Variants in HSD17B4 observed in about 807,000 individuals in gnomAD.
HSD17B4 encodes hydroxysteroid 17-beta dehydrogenase 4.
In HSD17B4, 70 loss-of-function variants were observed where a neutral mutation model predicts 101.0. The observed-to-expected ratio is 0.69, with a 90% confidence interval of 0.57 to 0.85. The LOEUF is 0.85. Ranked by LOEUF, HSD17B4 falls within the 40% of genes least tolerant of loss-of-function variation. The probability of loss-of-function intolerance (pLI) is 0.00; values close to 1 mark genes in which losing one functional copy is unlikely to be tolerated. For synonymous variants in HSD17B4, 347 were observed against 297.1 expected, an observed-to-expected ratio of 1.17 and a Z score of -1.73; for missense variants, 984 against 892.4, an observed-to-expected ratio of 1.10 and a Z score of -1.31.
chr5:119,516,525 C>T (rs539963261), intron 17 of HSD17B4, among the ~76,000 whole-genome samples: 10 of 151,942 alleles, frequency 6.6e-5, no homozygotes, highest in Non-Finnish European at 1.2e-4. Context: ...TGACAAAAGA[C>T]GGTTTTTAAA....
rs2126702555 is a variant in HSD17B4 at position 119,478,857 on chromosome 5, C to T, written c.458C>T (p.Ser153Leu). The change falls in exon 8 of 24, where the codon TCA (serine) becomes TTA (leucine). Residue 153 changes from serine to leucine, a missense_variant. Physicochemically the swap from Ser to Leu is moderately radical, Grantham distance 145 (BLOSUM62 -2). Coordinates refer to ENST00000510025, the MANE Select transcript of HSD17B4 (RefSeq NM_000414.4). Reference protein sequence around the residue: ...YGRIIMTSSASGIYGNFGQAN... With the variant: ...YGRIIMTSSALGIYGNFGQAN... Reference sequence around the variant, plus strand: ...AGGATTATTATGACTTCATCAGCTTCAGGAATATATGGCAACTTTGGCCAG... The same window carrying T: ...AGGATTATTATGACTTCATCAGCTTTAGGAATATATGGCAACTTTGGCCAG... The T allele has an allele frequency of 6.2e-7, 1 of 1,613,446 alleles. No homozygotes were observed. The highest frequency in any genetic ancestry group is 1.3e-5 in the African/African-American group (1 of 74,990).
chr5:119,467,715 G>T (rs560236354), intron 2 of HSD17B4, among the ~76,000 whole-genome samples: 2 of 152,182 alleles, frequency 1.3e-5, no homozygotes, highest in African/African-American at 4.8e-5. Context: ...TATGAAATTT[G>T]CATATATGGA....
intron 2 of HSD17B4, chr5:119,464,598 T>G (rs34691264): frequency 0.034 from 5,106 of 152,222 alleles, 113 homozygotes; most frequent in Middle Eastern, 0.054. Context: ...ATAGCTTTTT[T>G]TTTTCTTCTT....
intron 20 of HSD17B4, among the ~76,000 whole-genome samples, chr5:119,527,654 C>T (rs1753723949): frequency 6.6e-6 from 1 of 151,886 alleles, no homozygotes; most frequent in Non-Finnish European, 1.5e-5. Context: ...TATGATAAAA[C>T]ATGTTCGAAA....
At chr5:119,507,827 A>T (rs1310543437) in intron 15 of HSD17B4, among the ~76,000 whole-genome samples, 6 of 152,016 alleles carry the variant, frequency 3.9e-5, no homozygotes, top group Non-Finnish European at 8.8e-5. Context: ...TAAATTTTAA[A>T]AATTAAATTT....
Position 119,526,023 on chromosome 5 carries a change from G to C in HSD17B4, c.1680G>C (p.Lys560Asn). 1.3e-6 allele frequency: 2 copies of C among 1,491,632 alleles called. No homozygotes were observed. Among genetic ancestry groups the C allele is most frequent in the Non-Finnish European group, 1.9e-6 (2 of 1,068,358 alleles). 92.4% of individuals were successfully genotyped at this position (1,491,632 alleles called of 1,614,324 possible). The change falls in exon 19 of 24, where the codon AAG becomes AAC. Residue 560 changes from lysine (K) to asparagine (N), a missense_variant and splice_region_variant. Physicochemically the swap from Lys to Asn is moderately conservative, Grantham distance 94. Transcript: ENST00000510025. ...DNDVSRFKAI[K>N]ARFAKPVYPG... ...ATGTGTCAAGATTCAAGGCAATTAA[G>C]GTAAATGTGTATTACTACGTAATTT...
chr5:119,480,912 A>C lies in HSD17B4; in HGVS notation c.622+1891A>C, dbSNP rs187543380. Among the ~76,000 whole-genome samples the C allele has an allele frequency of 4.3e-4, 66 of 152,304 alleles. 1 individual carries two copies. Among genetic ancestry groups the C allele is most frequent in the African/African-American group, 1.5e-3 (64 of 41,582 alleles). ...CTCCCATTTGCTTTTGAAAGAAGAG[A>C]AATAATGGCTCTGTTCTGCTCGGCT... On this transcript the variant is annotated intron_variant, in intron 8 of 23. Coordinates refer to ENST00000510025, the MANE Select transcript of HSD17B4 (RefSeq NM_000414.4).
chr5:119,516,423 C>CAGTAAGT (rs1197975309), intron 17 of HSD17B4, among the ~76,000 whole-genome samples: 1 of 151,998 alleles, frequency 6.6e-6, no homozygotes, highest in East Asian at 1.9e-4. Context: ...TTTCTACGCA[C>CAGTAAGT]AGTAAGTAGT....
In HSD17B4 at chr5:119,531,533, G is replaced by A. The variant is rs538583545; in HGVS notation, c.1993+129G>A. 3.5e-4 allele frequency: 301 copies of A among 859,388 alleles called. 4 individuals are homozygous for A. The South Asian group carries it at 4.0e-3, about 11-fold the overall frequency. 53.2% of individuals were successfully genotyped at this position (859,388 alleles called of 1,614,324 possible). A position where few individuals can be genotyped will look rare whatever the true frequency, so the allele number is the denominator to read the frequency against. On this transcript the variant is annotated intron_variant, in intron 22 of 23. Coordinates refer to ENST00000510025, the MANE Select transcript of HSD17B4 (RefSeq NM_000414.4). ...TTAGGTAAGTTTTTTTTCTTTTCCC[G>A]TGGGAATGAATAGGTTTGGGAATGT...
intron 22 of HSD17B4, among the ~76,000 whole-genome samples, chr5:119,533,074 A>G (rs1754251570): frequency 6.6e-6 from 1 of 152,102 alleles, no homozygotes; most frequent in African/African-American, 2.4e-5. Context: ...CAAATTCCAA[A>G]ACACATCAGC....
At chr5:119,463,796 G>A (rs920368442) in intron 2 of HSD17B4, among the ~76,000 whole-genome samples, 1 of 148,126 alleles carries the variant, frequency 6.8e-6, no homozygotes, top group Admixed American at 6.9e-5. Context: ...AGCCTCCTTA[G>A]TAACTGGGAC....
At chr5:119,518,902 G>A (rs572456877) in intron 17 of HSD17B4, among the ~76,000 whole-genome samples, 1 of 152,234 alleles carries the variant, frequency 6.6e-6, no homozygotes, top group East Asian at 1.9e-4. Flanking sequence ...GGGAGGCTGA[G>A]GCAGGAGAGT....
chr5:119,475,390 G>A (rs1361405331), intron 4 of HSD17B4, among the ~76,000 whole-genome samples: 3 of 152,028 alleles, frequency 2.0e-5, no homozygotes, highest in South Asian at 2.1e-4. Context: ...ATGGCTTATG[G>A]TTCTGATTCC....
intron 22 of HSD17B4, among the ~76,000 whole-genome samples, chr5:119,535,307 C>G (rs934235538): frequency 1.3e-5 from 2 of 151,588 alleles, no homozygotes; most frequent in African/African-American, 4.8e-5. Flanking sequence ...CCAATAATGT[C>G]CTTTATAGCA....
chr5:119,502,129 T>G, intron 14 of HSD17B4, 37 bp downstream of exon 14: 1 of 1,311,422 alleles, frequency 7.6e-7, no homozygotes, highest in Non-Finnish European at 1.1e-6. Flanking sequence ...AATACCATAC[T>G]TTTATTTCCA....
At chr5:119,537,859 A>T (rs533935610) in intron 23 of HSD17B4, among the ~76,000 whole-genome samples, 6 of 152,252 alleles carry the variant, frequency 3.9e-5, no homozygotes, top group African/African-American at 1.4e-4. Context: ...CCAACCCTTG[A>T]GTTAGAATGT....
At chr5:119,489,108 C>T (rs942231968) in intron 8 of HSD17B4, 84 bp from the exon 9 acceptor site, 1 of 927,666 alleles carries the variant, frequency 1.1e-6, no homozygotes, top group Non-Finnish European at 1.8e-6. Flanking sequence ...TTTTAAAGGT[C>T]TCTGAATTAC....
intron 14 of HSD17B4, among the ~76,000 whole-genome samples, chr5:119,503,076 TTG>T (rs759039800): frequency 0.022 from 3,067 of 140,264 alleles, 27 homozygotes; most frequent in South Asian, 0.056. Context: ...ACCTTGGAAA[TTG>T]TGTGTGTGTG....
intron 17 of HSD17B4, 68 bp downstream of exon 17, chr5:119,515,114 A>G: frequency 3.5e-6 from 3 of 848,898 alleles, no homozygotes; most frequent in Non-Finnish European, 6.2e-6. Context: ...TATAGCTCTG[A>G]TACCTTATAA....
Sources: allele counts gnomAD v4.1 joint callset (sites outside exome capture counted in the v4.1 genomes callset), GRCh38; gene constraint gnomAD v4.1.1; transcripts MANE v1.5; gene names NCBI Gene and HGNC (gene_info 2026-07-23, HGNC 2026-07-21).